ABCC1: variants seen among roughly 807,000 people sequenced by gnomAD.
ABCC1 encodes the protein multidrug resistance-associated protein 1.
ABCC1 carries 83 observed loss-of-function variants against 172.9 expected under a neutral mutation model. The ratio of observed to expected loss-of-function variants is 0.48; its 90% CI spans 0.40 to 0.58. ABCC1 has a LOEUF of 0.58. Ranked by LOEUF, ABCC1 falls within the 20% of genes least tolerant of loss-of-function variation. ABCC1 has a pLI of 0.00. For missense variants in ABCC1, 1,817 were observed against 2,002.7 expected (o/e 0.91, Z 1.77); for synonymous variants, 937 against 825.2 (o/e 1.14, Z -2.32).
intron 19 of ABCC1, among the ~76,000 whole-genome samples, chr16:16,101,222 T>G (rs920594362): frequency 6.6e-6 from 1 of 151,944 alleles, no homozygotes; most frequent in Non-Finnish European, 1.5e-5. Flanking sequence ...AGAATAGAGT[T>G]GGGGTTTTTC....
chr16:15,991,469 T>C (rs899960333), intron 1 of ABCC1, among the ~76,000 whole-genome samples: 1 of 152,076 alleles, frequency 6.6e-6, no homozygotes, highest in Non-Finnish European at 1.5e-5. Context: ...CAGGGTTGAG[T>C]GAAGTTCCGC....
chr16:16,084,346 G>A lies in ABCC1; in HGVS notation c.2292+804G>A, dbSNP rs933513269. On this transcript the variant is annotated intron_variant, in intron 17 of 30. Coordinates refer to ENST00000399410, the MANE Select transcript of ABCC1 (RefSeq NM_004996.4). The stretch of plus-strand genomic sequence containing the variant: ...TCTAACTCCTGACCTCAAGTGATCC[G>A]CTGGCCTCAGCCTCTCAAAGTTCTT... Among the ~76,000 whole-genome samples, 14 of 149,932 alleles carry A rather than the reference G, an allele frequency of 9.3e-5. No homozygotes were observed. In the East Asian group the frequency reaches 2.3e-3, roughly 25 times the overall value.
intron 5 of ABCC1, among the ~76,000 whole-genome samples, chr16:16,032,533 CGAAT>C (rs976105466): frequency 2.6e-4 from 40 of 151,966 alleles, no homozygotes; most frequent in African/African-American, 7.7e-4. Context: ...GTTGGATGAA[CGAAT>C]GAATGAAGTG....
At chr16:16,105,714 CTT>C (rs71137912) in intron 20 of ABCC1, among the ~76,000 whole-genome samples, 12 of 130,320 alleles carry the variant, frequency 9.2e-5, no homozygotes, top group Admixed American at 8.0e-5. Flanking sequence ...CTTTTCTTTT[CTT>C]TTTTTTTTTT....
At chr16:15,975,456 G>A (rs919011377) in intron 1 of ABCC1, among the ~76,000 whole-genome samples, 2 of 152,060 alleles carry the variant, frequency 1.3e-5, no homozygotes, top group African/African-American at 4.8e-5. Flanking sequence ...TGAAAATGGG[G>A]TATGCGTGGT....
Position 16,083,456 on chromosome 16 carries a change from T to C in ABCC1, c.2206T>C (p.Tyr736His), listed in dbSNP as rs1490824817. Reference protein sequence around the residue: ...ILFGCQLEEPYYRSVIQACAL... With the variant: ...ILFGCQLEEPHYRSVIQACAL... ...TTTTGGATGTCAGCTGGAGGAACCA[T>C]ATTACAGGTCCGTGATACAGGCCTG... is the stretch of plus-strand genomic sequence containing the variant. The change falls in exon 17 of 31, where the codon TAT (tyrosine) becomes CAT (histidine). Residue 736 changes from tyrosine to histidine, a missense_variant. Coordinates refer to ENST00000399410, the MANE Select transcript of ABCC1 (RefSeq NM_004996.4). 2.5e-6 allele frequency: 4 copies of C among 1,613,856 alleles called. No individual in the cohort carries two copies. Among genetic ancestry groups the C allele is most frequent in the African/African-American group, 1.3e-5 (1 of 74,936 alleles).
intron 17 of ABCC1, among the ~76,000 whole-genome samples, chr16:16,086,012 C>G (rs1341613474): frequency 3.9e-5 from 6 of 152,154 alleles, no homozygotes; most frequent in Non-Finnish European, 8.8e-5. Flanking sequence ...CGGAGCCTTG[C>G]TTCACCTATA....
intron 13 of ABCC1, among the ~76,000 whole-genome samples, chr16:16,070,015 T>C (rs1326136524): frequency 6.8e-6 from 1 of 146,352 alleles, no homozygotes; most frequent in Non-Finnish European, 1.5e-5. Context: ...CCTGGGCGAC[T>C]GAGTGAGACT....
intron 5 of ABCC1, among the ~76,000 whole-genome samples, chr16:16,019,296 G>A (rs554865073): frequency 2.0e-5 from 3 of 152,170 alleles, no homozygotes; most frequent in African/African-American, 7.2e-5. Context: ...TAGAGATGGG[G>A]CTTCACCATC....
At chr16:15,971,802 G>T (rs932523077) in intron 1 of ABCC1, among the ~76,000 whole-genome samples, 4 of 152,114 alleles carry the variant, frequency 2.6e-5, no homozygotes, top group African/African-American at 9.7e-5. Flanking sequence ...ATACGGCTCC[G>T]ATGAGTGGGG....
chr16:16,022,530 T>C (rs549309212), intron 5 of ABCC1, among the ~76,000 whole-genome samples: 1 of 152,226 alleles, frequency 6.6e-6, no homozygotes, highest in East Asian at 1.9e-4. Context: ...CTTGGACCAG[T>C]TGGAATGCTC....
At chr16:15,961,734 G>A (rs1020617275) in intron 1 of ABCC1, among the ~76,000 whole-genome samples, 1 of 149,346 alleles carries the variant, frequency 6.7e-6, no homozygotes, top group Non-Finnish European at 1.5e-5. Flanking sequence ...GCCATTTTAA[G>A]CCCATGCAAA....
chr16:16,116,069 A>AT (rs1004276130), intron 23 of ABCC1, among the ~76,000 whole-genome samples: 15 of 150,856 alleles, frequency 9.9e-5, no homozygotes, highest in African/African-American at 3.4e-4. Flanking sequence ...CGCCCAGCTA[A>AT]TTTTTTTTGT....
At chr16:16,110,397 T>G (rs9933152) in intron 21 of ABCC1, among the ~76,000 whole-genome samples, 3 of 151,638 alleles carry the variant, frequency 2.0e-5, no homozygotes, top group South Asian at 4.2e-4. Context: ...TCTTTATTTT[T>G]TTTTATTTTT....
intron 1 of ABCC1, among the ~76,000 whole-genome samples, chr16:15,953,333 G>GAA (rs906812632): frequency 6.7e-6 from 1 of 148,828 alleles, no homozygotes; most frequent in Non-Finnish European, 1.5e-5. Flanking sequence ...TGTCTCAAAA[G>GAA]AAAAAAAAAA....
intron 5 of ABCC1, among the ~76,000 whole-genome samples, chr16:16,018,034 A>G (rs538608188): frequency 2.0e-5 from 3 of 152,192 alleles, no homozygotes; most frequent in African/African-American, 7.2e-5. Context: ...TTTTATTGTG[A>G]GTATGGGGCA....
chr16:15,974,898 C>T (rs2046449306), intron 1 of ABCC1, among the ~76,000 whole-genome samples: 1 of 152,122 alleles, frequency 6.6e-6, no homozygotes, highest in Non-Finnish European at 1.5e-5. Context: ...GTGATCCTCC[C>T]ATCTCAGCCT....
At chr16:16,097,253 C>T (rs1242625891) in intron 19 of ABCC1, among the ~76,000 whole-genome samples, 2 of 152,172 alleles carry the variant, frequency 1.3e-5, no homozygotes, top group Non-Finnish European at 2.9e-5. Flanking sequence ...GCTGGGATTA[C>T]GGATGCCTGC....
At chr16:16,044,799 T>G (rs924348838) in intron 8 of ABCC1, 119 bp downstream of exon 8, 2 of 874,878 alleles carry the variant, frequency 2.3e-6, no homozygotes, top group Admixed American at 2.7e-5. Context: ...TAGCCAGATG[T>G]CTCCATTTTT....
Sources: gnomAD v4.1 joint callset for allele counts (sites outside exome capture counted in the v4.1 genomes callset) on GRCh38, gnomAD v4.1.1 for gene constraint, MANE v1.5 for transcripts, NCBI Gene and HGNC (gene_info 2026-07-23, HGNC 2026-07-21) for gene names.